CFAP61: variants seen among roughly 807,000 people sequenced by gnomAD.
CFAP61 encodes the protein cilia- and flagella-associated protein 61.
In CFAP61, 107 loss-of-function variants were observed where a neutral mutation model predicts 135.6. The observed-to-expected ratio is 0.79, with a 90% CI of 0.67 to 0.93. The LOEUF is 0.93. Among genes scored for constraint, CFAP61 ranks in the 40% least tolerant of loss-of-function variants. The pLI, the probability that CFAP61 is intolerant of heterozygous loss-of-function variation, is 0.00. For missense variants in CFAP61, 1,507 were observed against 1,556.2 expected (o/e 0.97, Z 0.53); for synonymous variants, 575 against 578.5 (o/e 0.99, Z 0.09).
At chr20:20,236,802 A>C (rs1360869676) in intron 18 of CFAP61, among the ~76,000 whole-genome samples, 1 of 152,228 alleles carries the variant, frequency 6.6e-6, no homozygotes, top group Non-Finnish European at 1.5e-5. Flanking sequence ...TCCATCCTTA[A>C]GGAACAAATT....
chr20:20,274,584 C>G (rs908138794), intron 21 of CFAP61, among the ~76,000 whole-genome samples: 1 of 152,088 alleles, frequency 6.6e-6, no homozygotes. Flanking sequence ...TGGCTTGAAC[C>G]TGAAAGGTGG....
At chr20:20,065,411 T>A (rs975888219) in intron 2 of CFAP61, among the ~76,000 whole-genome samples, 9 of 151,864 alleles carry the variant, frequency 5.9e-5, no homozygotes, top group African/African-American at 1.7e-4. Flanking sequence ...TAAAATGGAA[T>A]CTTTATAACT....
chr20:20,065,327 TC>T (rs1482291272), intron 2 of CFAP61, among the ~76,000 whole-genome samples: 2 of 151,906 alleles, frequency 1.3e-5, no homozygotes, highest in African/African-American at 2.4e-5. Context: ...AATCCACTCT[TC>T]CCACACTTTT....
intron 25 of CFAP61, chr20:20,323,280 C>CA: frequency 5.1e-6 from 5 of 985,402 alleles, no homozygotes; most frequent in Non-Finnish European, 6.0e-6. Context: ...TAAAAAAGGA[C>CA]AACAAACAAC....
intron 8 of CFAP61, among the ~76,000 whole-genome samples, chr20:20,140,632 C>G (rs2051312015): frequency 6.6e-6 from 1 of 152,044 alleles, no homozygotes; most frequent in Admixed American, 6.5e-5. Context: ...TAAACTAGTT[C>G]AACCATTGTG....
At position 20,089,616 on chromosome 20, in the gene CFAP61, C is replaced by T. The variant is rs546696753; in HGVS notation, c.567-1228C>T. Among the ~76,000 whole-genome samples, 4 of 144,312 alleles carry T rather than the reference C, an allele frequency of 2.8e-5. No homozygotes were observed. The East Asian group carries it at 8.1e-4, about 29-fold the overall frequency. 94.7% of individuals were successfully genotyped at this position (144,312 alleles called of 152,430 possible). ...AAAAAAAAAAAGCAAAGTATAAGAACATCCCACACAGGTAAAAAAGAGCAC... is the reference window on the plus strand; with the variant it reads ...AAAAAAAAAAAGCAAAGTATAAGAATATCCCACACAGGTAAAAAAGAGCAC... On this transcript the variant is annotated intron_variant, in intron 6 of 26. Coordinates refer to ENST00000245957, the MANE Select transcript of CFAP61 (RefSeq NM_015585.4).
At chr20:20,308,286 G>T (rs1027825021) in intron 25 of CFAP61, among the ~76,000 whole-genome samples, 1 of 152,128 alleles carries the variant, frequency 6.6e-6, no homozygotes, top group East Asian at 1.9e-4. Context: ...ATTTGGATCC[G>T]ACATTCTGAC....
At chr20:20,160,136 G>A (rs947971270) in intron 10 of CFAP61, among the ~76,000 whole-genome samples, 1 of 152,210 alleles carries the variant, frequency 6.6e-6, no homozygotes, top group African/African-American at 2.4e-5. Context: ...GGAGGGTGTT[G>A]TAGGCTTTTG....
intron 9 of CFAP61, among the ~76,000 whole-genome samples, chr20:20,153,592 G>T (rs1187207494): frequency 3.3e-5 from 5 of 151,934 alleles, no homozygotes; most frequent in African/African-American, 1.2e-4. Flanking sequence ...ACCTTTAGGT[G>T]CACAAACTAG....
chr20:20,284,250 CTTTATTTTATTTTATTTTATTTTAT>C (rs749504536), intron 22 of CFAP61, among the ~76,000 whole-genome samples: 11 of 144,980 alleles, frequency 7.6e-5, no homozygotes, highest in African/African-American at 1.8e-4. Flanking sequence ...TCAATTGGCT[CTTTATTTTATTTTATTTTATTTTAT>C]TTTATTTTAT....
At position 20,274,403 on chromosome 20, in the gene CFAP61, A is replaced by G. The variant is rs138314788; in HGVS notation, c.2504-2763A>G. 2.6e-3 allele frequency among the ~76,000 whole-genome samples: 394 copies of G among 152,344 alleles called. 2 individuals are homozygous for G. Among genetic ancestry groups the G allele is most frequent in the African/African-American group, 9.3e-3 (387 of 41,582 alleles). On this transcript the variant is annotated intron_variant, in intron 21 of 26. Coordinates refer to ENST00000245957, the MANE Select transcript of CFAP61 (RefSeq NM_015585.4). ...GGGCCAGATGCAGAGGCTCACGTCT[A>G]TAATCCCAGCACTTTGGGAAGCCAA...
intron 20 of CFAP61, among the ~76,000 whole-genome samples, chr20:20,261,902 A>G (rs2052263225): frequency 6.6e-6 from 1 of 152,186 alleles, no homozygotes; most frequent in Admixed American, 6.5e-5. Flanking sequence ...TCCTTACAGT[A>G]GAGGAAAGTT....
At chr20:20,191,593 A>AT (rs1463423312) in intron 15 of CFAP61, among the ~76,000 whole-genome samples, 174 bp downstream of exon 15, 2 of 152,178 alleles carry the variant, frequency 1.3e-5, no homozygotes, top group African/African-American at 2.4e-5. Context: ...GCAATTCTCC[A>AT]TTTTTTTGCA....
At chr20:20,232,653 G>A (rs978173026) in intron 18 of CFAP61, 78 of 152,282 alleles carry the variant, frequency 5.1e-4, no homozygotes, top group Middle Eastern at 3.4e-3. Context: ...GTTTCAGCAC[G>A]AGTCTCTATG....
chr20:20,331,658 G>A (rs922881834), intron 25 of CFAP61, among the ~76,000 whole-genome samples: 3 of 152,174 alleles, frequency 2.0e-5, no homozygotes, highest in African/African-American at 7.2e-5. Context: ...GCTCTATGGA[G>A]TTTGCTAGTT....
chr20:20,242,535 T>G (rs1229441432), intron 18 of CFAP61, among the ~76,000 whole-genome samples: 3 of 152,246 alleles, frequency 2.0e-5, no homozygotes, highest in Admixed American at 6.5e-5. Context: ...GGCCTGGCTT[T>G]CTTTCATAGC....
intron 24 of CFAP61, among the ~76,000 whole-genome samples, chr20:20,296,726 GAAAATGTTGATAC>G (rs2055657956): frequency 1.3e-5 from 2 of 152,292 alleles, no homozygotes; most frequent in East Asian, 3.9e-4. Flanking sequence ...AACATTTTGT[GAAAATGTTGATAC>G]AAAACAAATG....
At chr20:20,233,092 C>T (rs2049278702) in intron 18 of CFAP61, among the ~76,000 whole-genome samples, 1 of 152,208 alleles carries the variant, frequency 6.6e-6, no homozygotes, top group African/African-American at 2.4e-5. Context: ...TCTAAAGCTG[C>T]AATTGTGGCA....
chr20:20,334,763 A>G (rs2058117058), intron 25 of CFAP61, among the ~76,000 whole-genome samples: 1 of 152,192 alleles, frequency 6.6e-6, no homozygotes, highest in African/African-American at 2.4e-5. Flanking sequence ...TTACCTTTCT[A>G]GATCTGCCTC....
Sources: allele counts gnomAD v4.1 joint callset (sites outside exome capture counted in the v4.1 genomes callset), GRCh38; gene constraint gnomAD v4.1.1; transcripts MANE v1.5; gene names NCBI Gene and HGNC (gene_info 2026-07-23, HGNC 2026-07-21).